The following KCNK10 variants were observed in gnomAD, a reference collection of about 807,000 sequenced individuals.
KCNK10 encodes potassium channel subfamily K member 10.
Under a neutral mutation model 47.7 loss-of-function variants are expected in KCNK10, and 25 were observed. The observed-to-expected ratio is 0.52, with a 90% confidence interval of 0.38 to 0.73. The LOEUF (loss-of-function observed/expected upper bound fraction) is 0.73. Among genes scored for constraint, KCNK10 ranks in the 30% least tolerant of loss-of-function variants. KCNK10 has a pLI of 0.00. For missense variants in KCNK10, 563 were observed against 714.5 expected (o/e 0.79, Z 2.42); for synonymous variants, 303 against 285.6 (o/e 1.06, Z -0.61).
intron 1 of KCNK10, among the ~76,000 whole-genome samples, chr14:88,298,548 A>G (rs1888033202): frequency 6.6e-6 from 1 of 152,194 alleles, no homozygotes; most frequent in African/African-American, 2.4e-5. Context: ...CCACTATGCC[A>G]GTGGCTAGTG....
intron 1 of KCNK10, among the ~76,000 whole-genome samples, chr14:88,321,302 T>C (rs576793722): frequency 4.6e-5 from 7 of 152,290 alleles, no homozygotes; most frequent in Non-Finnish European, 1.0e-4. Flanking sequence ...AGGGAAGCCT[T>C]CTCTGGTCCT....
chr14:88,227,281 G>A, intron 4 of KCNK10, 94 bp downstream of exon 4: 2 of 1,003,740 alleles, frequency 2.0e-6, no homozygotes, highest in East Asian at 2.6e-5. Context: ...TCCATTAAAA[G>A]CAGACAATGC....
rs1360713147 is a variant in KCNK10, at chr14:88,227,500, T to C, written c.556A>G (p.Lys186Glu). 1 of 1,612,812 alleles carries C rather than the reference T, an allele frequency of 6.2e-7. No individual in the cohort carries two copies. Among genetic ancestry groups the C allele is most frequent in the Non-Finnish European group, 8.5e-7 (1 of 1,179,566 alleles). ...GNIAPSTEGG[K>E]IFCILYAIFG... ...ATGGCATATAAAATACAAAAGATTT[T>C]GCCTCCTTCAGTGCTCGGAGCAATA... The change falls in exon 4 of 7, where the codon AAA (lysine) becomes GAA (glutamate). Residue 186 changes from lysine (K) to glutamate (E), a missense_variant. Lys to Glu is a moderately conservative substitution (Grantham distance 56). Transcript: ENST00000319231.
chr14:88,290,877 C>T (rs17124426), intron 1 of KCNK10, among the ~76,000 whole-genome samples: 6,799 of 152,166 alleles, frequency 0.045, 271 homozygotes, highest in African/African-American at 0.097. Flanking sequence ...AAAAAGGCAC[C>T]CACCATGCAA....
At chr14:88,188,661 T>C (rs924292370) in intron 5 of KCNK10, among the ~76,000 whole-genome samples, 1 of 152,174 alleles carries the variant, frequency 6.6e-6, no homozygotes, top group Non-Finnish European at 1.5e-5. Flanking sequence ...AACTGAGGAA[T>C]GGTGTTTACA....
intron 4 of KCNK10, among the ~76,000 whole-genome samples, chr14:88,213,771 T>A (rs1376578048): frequency 7.1e-6 from 1 of 141,244 alleles, no homozygotes; most frequent in African/African-American, 2.6e-5. Context: ...CTGAAAGATA[T>A]GAGGAAAGAG....
chr14:88,282,515 G>A (rs1887671836), intron 1 of KCNK10, among the ~76,000 whole-genome samples: 1 of 152,184 alleles, frequency 6.6e-6, no homozygotes, highest in Non-Finnish European at 1.5e-5. Flanking sequence ...GGATAGCCAT[G>A]CCATACCTCA....
At chr14:88,310,668 T>A (rs1357950066) in intron 1 of KCNK10, among the ~76,000 whole-genome samples, 2 of 152,122 alleles carry the variant, frequency 1.3e-5, no homozygotes, top group Non-Finnish European at 2.9e-5. Flanking sequence ...GATCGGCACA[T>A]CAGAAGCTTT....
rs1402797144 is a variant in KCNK10, at chr14:88,185,612, A to G, written c.1555T>C (p.Leu519=). 2.5e-6 allele frequency: 4 copies of G among 1,613,620 alleles called. No homozygotes were observed. Among genetic ancestry groups the G allele is most frequent in the East Asian group, 2.2e-5 (1 of 44,878 alleles). The change falls in exon 7 of 7, where the codon TTG becomes CTG. Residue 519 remains leucine (L), a synonymous_variant. Coordinates refer to ENST00000319231, the MANE Select transcript of KCNK10 (RefSeq NM_138317.3). The surrounding 1 kb of genome is among the most constrained non-coding windows in gnomAD (Gnocchi z 4.3). The stretch of plus-strand genomic sequence containing the variant: ...TCCGTGGGTATCATTCCGTTCTCCA[A>G]CTCAGCGTGCTGCTGGATACAGTCC... ...LTDCIQQHAE[L]ENGMIPTDTK...
chr14:88,190,503 G>A (rs886390532), intron 5 of KCNK10, among the ~76,000 whole-genome samples: 10 of 151,950 alleles, frequency 6.6e-5, no homozygotes, highest in Admixed American at 3.9e-4. Flanking sequence ...GTCTCTCTTC[G>A]GAGCTTGAGG....
chr14:88,301,497 G>A (rs75158629), intron 1 of KCNK10, among the ~76,000 whole-genome samples: 11,763 of 152,016 alleles, frequency 0.077, 529 homozygotes, highest in African/African-American at 0.11. Flanking sequence ...TTAGAGGCAT[G>A]ATGCAGAGAC....
intron 4 of KCNK10, among the ~76,000 whole-genome samples, chr14:88,222,478 A>G (rs1445714747): frequency 1.3e-5 from 2 of 152,230 alleles, no homozygotes; most frequent in East Asian, 3.8e-4. Flanking sequence ...GACGCATGTC[A>G]TTATAAATTT....
Position 88,184,690 on chromosome 14 carries a change from T to C in KCNK10, c.*845A>G, listed in dbSNP as rs537224599. ...CAAAACAAGTTATAACCAAAGTACA[T>C]GGACATTTCCAAATCAGTTTATTGT... On this transcript the variant is annotated 3_prime_UTR_variant, in exon 7 of 7. Coordinates refer to ENST00000319231, the MANE Select transcript of KCNK10 (RefSeq NM_138317.3). The C allele has an allele frequency of 3.9e-5, 6 of 152,438 alleles. No individual in the cohort carries two copies. In the South Asian group the frequency reaches 1.0e-3, roughly 26 times the overall value. 9.4% of individuals were successfully genotyped at this position (152,438 alleles called of 1,614,324 possible). A position where few individuals can be genotyped will look rare whatever the true frequency, so the allele number is the denominator to read the frequency against.
chr14:88,221,074 G>C (rs1885793752), intron 4 of KCNK10, among the ~76,000 whole-genome samples: 1 of 152,006 alleles, frequency 6.6e-6, no homozygotes, highest in African/African-American at 2.4e-5. Flanking sequence ...GACCGAGGCA[G>C]GTGGATCACC....
intron 1 of KCNK10, among the ~76,000 whole-genome samples, chr14:88,277,706 G>A (rs1887556359): frequency 6.6e-6 from 1 of 152,148 alleles, no homozygotes; most frequent in Non-Finnish European, 1.5e-5. Context: ...TAGGTTTGGG[G>A]AATAAAATGT....
chr14:88,259,686 G>C (rs1887055394), intron 2 of KCNK10, among the ~76,000 whole-genome samples: 1 of 152,110 alleles, frequency 6.6e-6, no homozygotes, highest in Non-Finnish European at 1.5e-5. Context: ...CGAACTGCTG[G>C]GCTCAAGCAA....
intron 4 of KCNK10, among the ~76,000 whole-genome samples, chr14:88,218,341 C>T (rs1188294798): frequency 1.3e-5 from 2 of 152,182 alleles, no homozygotes; most frequent in African/African-American, 4.8e-5. Context: ...TTCCTGGAAT[C>T]TAAAGTGGTT....
At chr14:88,205,605 C>A (rs895251581) in intron 4 of KCNK10, among the ~76,000 whole-genome samples, 9 of 137,010 alleles carry the variant, frequency 6.6e-5, no homozygotes, top group Non-Finnish European at 1.4e-4. Flanking sequence ...AGTGCAATGG[C>A]GTGACCTCGG....
intron 4 of KCNK10, among the ~76,000 whole-genome samples, chr14:88,219,087 C>T (rs148509541): frequency 9.3e-4 from 142 of 152,002 alleles, no homozygotes; most frequent in African/African-American, 3.4e-3. Flanking sequence ...GGCAAGTCAC[C>T]TCACAGGCTC....
Sources: gnomAD v4.1 joint callset for allele counts (sites outside exome capture counted in the v4.1 genomes callset) on GRCh38, gnomAD v4.1.1 for gene constraint, Gnocchi (gnomAD v3.1) non-coding constraint, MANE v1.5 for transcripts, NCBI Gene and HGNC (gene_info 2026-07-23, HGNC 2026-07-21) for gene names.